LGR4: variants seen among roughly 807,000 people sequenced by gnomAD.
LGR4 encodes the protein leucine rich repeat containing G protein-coupled receptor 4.
A neutral mutation model predicts 84.8 loss-of-function variants in LGR4; 44 were observed. The ratio of observed to expected loss-of-function variants is 0.52; its 90% confidence interval spans 0.41 to 0.67. The LOEUF (loss-of-function observed/expected upper bound fraction) is 0.67. LGR4 is among the 30% of genes least tolerant of loss of function. The pLI, the probability that LGR4 is intolerant of heterozygous loss-of-function variation, is 0.00. For synonymous variants in LGR4, 429 were observed against 434.3 expected (o/e 0.99, Z 0.15); for missense variants, 1,032 against 1,131.4 (o/e 0.91, Z 1.26).
intron 2 of LGR4, among the ~76,000 whole-genome samples, chr11:27,412,384 G>A (rs1221983446): frequency 6.6e-6 from 1 of 152,094 alleles, no homozygotes; most frequent in African/African-American, 2.4e-5. Context: ...TGAAATTGTT[G>A]CTCATGGCCC....
chr11:27,432,462 T>C (rs1186079463), intron 1 of LGR4, among the ~76,000 whole-genome samples: 1 of 152,132 alleles, frequency 6.6e-6, no homozygotes, highest in Non-Finnish European at 1.5e-5. Flanking sequence ...GAAGACCCAA[T>C]GGCAAAATTC....
Position 27,472,418 on chromosome 11 carries a change from C to T in LGR4, c.-116G>A. ...TGCGGGCTGGAGCGGGGGTCTCTTC[C>T]TCGGCGGTCCGCGCGGGCTCGGCCC... On this transcript the variant is annotated 5_prime_UTR_variant, in exon 1 of 18. Transcript: ENST00000379214. 6.3e-6 allele frequency: 5 copies of T among 797,608 alleles called. No individual in the cohort carries two copies. The highest frequency in any genetic ancestry group is 6.7e-6 in the Non-Finnish European group (4 of 597,582). The allele number at this position is 797,608 out of a possible 1,614,324, so 49.4% of individuals were successfully genotyped here. A position where few individuals can be genotyped will look rare whatever the true frequency, so the allele number is the denominator to read the frequency against.
Position 27,377,559 on chromosome 11 carries a change from T to G in LGR4, c.1044-336A>C. On this transcript the variant is annotated intron_variant, in intron 11 of 17. Transcript: ENST00000379214. Reference sequence around the variant, plus strand: ...GAAAAATATACAAAATATATAAAATTTAAGTGGTAAAGCTACATTTTTTTA... The same window carrying G: ...GAAAAATATACAAAATATATAAAATGTAAGTGGTAAAGCTACATTTTTTTA... Among the ~76,000 whole-genome samples, 6 of 151,880 alleles carry G rather than the reference T, an allele frequency of 4.0e-5. 1 individual carries two copies. The Middle Eastern group carries it at 0.021, about 520-fold the overall frequency.
Position 27,367,687 on chromosome 11 carries a change from T to C in LGR4, c.*180A>G, listed in dbSNP as rs974829976. On this transcript the variant is annotated 3_prime_UTR_variant, in exon 18 of 18. Coordinates refer to ENST00000379214, the MANE Select transcript of LGR4 (RefSeq NM_018490.5). Reference sequence around the variant, plus strand: ...GGACATTGCATTTTTCACCAATTTATAATTTAGGCACCTGTTCTTTGAAAA... The same window carrying C: ...GGACATTGCATTTTTCACCAATTTACAATTTAGGCACCTGTTCTTTGAAAA... 2 of 519,386 alleles carry C rather than the reference T, an allele frequency of 3.9e-6. No homozygotes were observed. Among genetic ancestry groups the C allele is most frequent in the Non-Finnish European group, 6.7e-6 (2 of 296,486 alleles). The allele number at this position is 519,386 out of a possible 1,614,324, so 32.2% of individuals were successfully genotyped here. A position where few individuals can be genotyped will look rare whatever the true frequency, so the allele number is the denominator to read the frequency against.
intron 11 of LGR4, among the ~76,000 whole-genome samples, chr11:27,378,231 T>TA (rs1863026047): frequency 3.3e-5 from 5 of 152,366 alleles, no homozygotes; most frequent in African/African-American, 1.2e-4. Flanking sequence ...CTTAATAACT[T>TA]AATCGTTTAT....
chr11:27,472,092 C>T lies in LGR4; in HGVS notation c.185+26G>A, dbSNP rs779520898. The T allele has an allele frequency of 1.1e-4, 129 of 1,216,484 alleles. 1 individual carries two copies. Among genetic ancestry groups the T allele is most frequent in the Middle Eastern group, 9.4e-4 (3 of 3,182 alleles). 75.4% of individuals were successfully genotyped at this position (1,216,484 alleles called of 1,614,324 possible). Reference sequence around the variant, plus strand: ...GCTGGGCCCCGTTTCCTCCCCCCCCCTCGCGTCCCCGCCGCCCGCACTCAC... The same window carrying T: ...GCTGGGCCCCGTTTCCTCCCCCCCCTTCGCGTCCCCGCCGCCCGCACTCAC... On this transcript the variant is annotated intron_variant, in intron 1 of 17. Transcript: ENST00000379214.
At chr11:27,392,149 C>T (rs1863297571) in intron 3 of LGR4, among the ~76,000 whole-genome samples, 1 of 152,200 alleles carries the variant, frequency 6.6e-6, no homozygotes, top group East Asian at 1.9e-4. Context: ...GAAACAAAAC[C>T]CTACCAGTAA....
chr11:27,461,796 G>A (rs1262277298), intron 1 of LGR4, among the ~76,000 whole-genome samples: 1 of 151,470 alleles, frequency 6.6e-6, no homozygotes, highest in Non-Finnish European at 1.5e-5. Flanking sequence ...AACTACAGTG[G>A]GCTCTCATTG....
rs2447996 is a variant in LGR4 at position 27,367,856 on chromosome 11, C to A, written c.*11G>T. 6.4e-7 allele frequency: 1 copy of A among 1,559,866 alleles called. No individual in the cohort carries two copies. The highest frequency in any genetic ancestry group is 8.6e-7 in the Non-Finnish European group (1 of 1,157,904). On this transcript the variant is annotated 3_prime_UTR_variant, in exon 18 of 18. Transcript: ENST00000379214. ...TTGGTTGACGGGGGAAACGGTTACA[C>A]ACACAGTAGTTCAGTCTTTAACTCT...
intron 2 of LGR4, among the ~76,000 whole-genome samples, chr11:27,404,804 T>C (rs910110105): frequency 2.0e-5 from 3 of 152,146 alleles, no homozygotes; most frequent in Admixed American, 6.5e-5. Flanking sequence ...TTCCCCACTC[T>C]ATGGAGACAG....
intron 2 of LGR4, among the ~76,000 whole-genome samples, chr11:27,394,557 C>A (rs1863351533): frequency 6.6e-6 from 1 of 152,110 alleles, no homozygotes; most frequent in Non-Finnish European, 1.5e-5. Context: ...CGCCCACCAC[C>A]ACGCCCAGCT....
At chr11:27,443,207 T>C (rs768318238) in intron 1 of LGR4, among the ~76,000 whole-genome samples, 1 of 152,144 alleles carries the variant, frequency 6.6e-6, no homozygotes, top group Non-Finnish European at 1.5e-5. Context: ...TCCCACTCCA[T>C]TGTCTAAGGG....
intron 2 of LGR4, among the ~76,000 whole-genome samples, chr11:27,409,407 T>A (rs1214241981): frequency 1.3e-5 from 2 of 152,122 alleles, no homozygotes; most frequent in Non-Finnish European, 2.9e-5. Context: ...TACAGAGTTA[T>A]GGGAATGGAC....
Position 27,377,279 on chromosome 11 carries a change from A to G in LGR4, c.1044-56T>C, listed in dbSNP as rs965069760. 5 of 919,146 alleles carry G rather than the reference A, an allele frequency of 5.4e-6. No homozygotes were observed. In the African/African-American group the frequency reaches 8.4e-5, roughly 15 times the overall value. 56.9% of individuals were successfully genotyped at this position (919,146 alleles called of 1,614,324 possible). On this transcript the variant is annotated intron_variant, in intron 11 of 17. Transcript: ENST00000379214. ...CTATGTTATCAGAGTATTATATTAAAAGAGTGGTACTCAGAAGCGTTGAAA... is the reference window on the plus strand; with the variant it reads ...CTATGTTATCAGAGTATTATATTAAGAGAGTGGTACTCAGAAGCGTTGAAA...
chr11:27,442,059 G>A (rs1018234629), intron 1 of LGR4, among the ~76,000 whole-genome samples: 2 of 152,208 alleles, frequency 1.3e-5, no homozygotes, highest in African/African-American at 4.8e-5. Context: ...TCTTAACAGT[G>A]TAGGAAGATG....
At chr11:27,459,238 C>T (rs1486282444) in intron 1 of LGR4, among the ~76,000 whole-genome samples, 1 of 152,108 alleles carries the variant, frequency 6.6e-6, no homozygotes, top group African/African-American at 2.4e-5. Context: ...GAGCTTGCTT[C>T]CTTTTAGATA....
At chr11:27,454,156 C>CA (rs1864531893) in intron 1 of LGR4, among the ~76,000 whole-genome samples, 1 of 152,146 alleles carries the variant, frequency 6.6e-6, no homozygotes, top group Non-Finnish European at 1.5e-5. Flanking sequence ...AGCCAATTGC[C>CA]AATCCGAAAA....
At position 27,471,058 on chromosome 11, in the gene LGR4, T is replaced by G. The variant is rs187586658; in HGVS notation, c.185+1060A>C. 3.1e-3 allele frequency among the ~76,000 whole-genome samples: 477 copies of G among 152,276 alleles called. 3 individuals are homozygous for G. The highest frequency in any genetic ancestry group is 0.011 in the African/African-American group (462 of 41,560). The stretch of plus-strand genomic sequence containing the variant: ...ACACGTTTCTTCGACTGCTCCTGAT[T>G]TAAGCATTCAGCTGGCCACGCAACG... On this transcript the variant is annotated intron_variant, in intron 1 of 17. Transcript: ENST00000379214.
rs35154112 is a variant in LGR4 at position 27,461,632 on chromosome 11, AT to A, written c.185+10485del. On this transcript the variant is annotated intron_variant, in intron 1 of 17. Transcript: ENST00000379214. ...AAAACATTATGGGATTTTTCTGCACATTTTTTTTTTTTTAGCTCATCAACTA... is the reference window on the plus strand; with the variant it reads ...AAAACATTATGGGATTTTTCTGCACATTTTTTTTTTTTAGCTCATCAACTA... Among the ~76,000 whole-genome samples the A allele has an allele frequency of 9.2e-3, 1,336 of 144,590 alleles. 7 individuals carry two copies. Among genetic ancestry groups the A allele is most frequent in the Non-Finnish European group, 9.3e-3 (614 of 65,750 alleles). 94.9% of individuals were successfully genotyped at this position (144,590 alleles called of 152,430 possible). A position where few individuals can be genotyped will look rare whatever the true frequency, so the allele number is the denominator to read the frequency against.
Sources: allele counts gnomAD v4.1 joint callset (sites outside exome capture counted in the v4.1 genomes callset), GRCh38; gene constraint gnomAD v4.1.1; transcripts MANE v1.5; gene names NCBI Gene and HGNC (gene_info 2026-07-23, HGNC 2026-07-21).